The following TATDN2 variants were observed in gnomAD, a reference collection of about 807,000 sequenced individuals.
TATDN2 encodes the protein 3'-5' RNA nuclease TATDN2.
TATDN2 carries 44 observed loss-of-function variants against 60.3 expected under a neutral mutation model. The observed-to-expected ratio is 0.73, with a 90% confidence interval of 0.57 to 0.94. The LOEUF is 0.94. TATDN2 is among the 40% of genes least tolerant of loss of function. The pLI is 0.00. For synonymous variants in TATDN2, 399 were observed against 355.8 expected, an observed-to-expected ratio of 1.12 and a Z score of -1.37; for missense variants, 997 against 948.0, an observed-to-expected ratio of 1.05 and a Z score of -0.68.
chr3:10,256,415 A>T (rs1404756676), intron 2 of TATDN2, among the ~76,000 whole-genome samples: 1 of 151,256 alleles, frequency 6.6e-6, no homozygotes, highest in Non-Finnish European at 1.5e-5. Flanking sequence ...GGCTCAAATG[A>T]TCCTCCTGCC....
intron 2 of TATDN2, among the ~76,000 whole-genome samples, chr3:10,257,612 CAAAAA>C (rs919342302): frequency 1.8e-5 from 2 of 108,286 alleles, no homozygotes; most frequent in Non-Finnish European, 3.8e-5. Flanking sequence ...AAAAAAAAAA[CAAAAA>C]AAAAAAACAA....
chr3:10,261,854 C>T (rs936556317), intron 3 of TATDN2, among the ~76,000 whole-genome samples: 2 of 152,202 alleles, frequency 1.3e-5, no homozygotes, highest in African/African-American at 4.8e-5. Context: ...GTTCTCTATA[C>T]CTCCTTCAGA....
chr3:10,251,756 G>T (rs918464661), intron 2 of TATDN2, among the ~76,000 whole-genome samples: 1 of 151,888 alleles, frequency 6.6e-6, no homozygotes. Flanking sequence ...GTGCAGTGGC[G>T]CAATCATGTC....
rs749858317 is a variant in TATDN2 at position 10,270,377 on chromosome 3, G to GGCA, written c.1205_1207dup (p.Ser402dup). 37 of 1,614,054 alleles carry GGCA rather than the reference G, an allele frequency of 2.3e-5. No individual in the cohort carries two copies. Among genetic ancestry groups the GGCA allele is most frequent in the Non-Finnish European group, 3.0e-5 (35 of 1,180,040 alleles). ...CAAGCCTTCTAGCTACCCCTCCACA[G>GGCA]GCAGCAGCAGCAACGATGCAGCCCA... is the stretch of plus-strand genomic sequence containing the variant. On this transcript the variant is annotated inframe_insertion, in exon 4 of 8. Transcript: ENST00000448281.
At position 10,279,247 on chromosome 3, in the gene TATDN2, G is replaced by A; in HGVS notation, c.*65G>A. On this transcript the variant is annotated 3_prime_UTR_variant, in exon 8 of 8. Coordinates refer to ENST00000448281, the MANE Select transcript of TATDN2 (RefSeq NM_014760.4). ...GCGACCAGCAGCCTGACAGAACACA[G>A]GCTGGCTTGAAGTCTGTGTCTCAGG... is the stretch of plus-strand genomic sequence containing the variant. The A allele has an allele frequency of 1.8e-6, 1 of 564,898 alleles. No homozygotes were observed. The highest frequency in any genetic ancestry group is 4.0e-4 in the Middle Eastern group (1 of 2,500). 35.0% of individuals were successfully genotyped at this position (564,898 alleles called of 1,614,324 possible). A position where few individuals can be genotyped will look rare whatever the true frequency, so the allele number is the denominator to read the frequency against.
chr3:10,255,670 G>T (rs755467119), intron 2 of TATDN2, among the ~76,000 whole-genome samples: 1 of 152,082 alleles, frequency 6.6e-6, no homozygotes, highest in Non-Finnish European at 1.5e-5. Context: ...GGCTGGGTGC[G>T]GTGGCTCATG....
chr3:10,264,154 G>C (rs1038317568), intron 3 of TATDN2, among the ~76,000 whole-genome samples: 9 of 152,144 alleles, frequency 5.9e-5, no homozygotes, highest in African/African-American at 2.2e-4. Flanking sequence ...GGGAATCTGG[G>C]ATCTAACTCA....
rs1698673784 is a variant in TATDN2 at position 10,278,667 on chromosome 3, G to T, written c.2145+205G>T. 1.0e-6 allele frequency: 1 copy of T among 978,906 alleles called. No homozygotes were observed. Among genetic ancestry groups the T allele is most frequent in the Admixed American group, 2.0e-5 (1 of 50,514 alleles). 60.6% of individuals were successfully genotyped at this position (978,906 alleles called of 1,614,324 possible). ...AAGGGTAACCACTCTCTTCCAGGCA[G>T]TGCAAAGCCCTACCCTGTAGAGGGT... On this transcript the variant is annotated intron_variant, in intron 6 of 7. Coordinates refer to ENST00000448281, the MANE Select transcript of TATDN2 (RefSeq NM_014760.4). The surrounding 1 kb of genome is among the most constrained non-coding windows in gnomAD (Gnocchi z 4.7).
intron 3 of TATDN2, among the ~76,000 whole-genome samples, chr3:10,261,702 T>G (rs1401755685): frequency 6.6e-6 from 1 of 152,192 alleles, no homozygotes; most frequent in Non-Finnish European, 1.5e-5. Context: ...CACCCATCCT[T>G]TACTACTGCT....
At chr3:10,272,115 C>CTT (rs567383227) in intron 4 of TATDN2, among the ~76,000 whole-genome samples, 10 of 150,962 alleles carry the variant, frequency 6.6e-5, no homozygotes, top group Non-Finnish European at 1.5e-5. Flanking sequence ...AATTTCTTTT[C>CTT]TTTTTTTTTC....
At chr3:10,267,651 T>G (rs1698498170) in intron 3 of TATDN2, among the ~76,000 whole-genome samples, 1 of 152,260 alleles carries the variant, frequency 6.6e-6, no homozygotes, top group Non-Finnish European at 1.5e-5. Context: ...TTTTTGAATC[T>G]GTGTATTGTT....
rs747794585 is a variant in TATDN2 at position 10,270,998 on chromosome 3, G to A, written c.1816G>A (p.Val606Ile). 4 of 1,584,690 alleles carry A rather than the reference G, an allele frequency of 2.5e-6. No homozygotes were observed. The highest frequency in any genetic ancestry group is 3.6e-5 in the Admixed American group (2 of 54,930). ...LDYSYKCTTP[V>I]PEQHKVFERQ... ...TTACTCTTACAAGTGCACCACGCCT[G>A]TCCCAGAACAGCACAAGGTAACAAG... is the stretch of plus-strand genomic sequence containing the variant. Residue 606 changes from valine (V) to isoleucine (I), a missense_variant, in exon 4 of 8, where the codon GTC (valine) becomes ATC (isoleucine). Transcript: ENST00000448281.
At chr3:10,250,926 T>A (rs189773407) in intron 2 of TATDN2, among the ~76,000 whole-genome samples, 1 of 152,266 alleles carries the variant, frequency 6.6e-6, no homozygotes, top group East Asian at 1.9e-4. Flanking sequence ...GTAGATAGAG[T>A]GAAACCTGTT....
chr3:10,250,058 C>G (rs1698197966), intron 2 of TATDN2, among the ~76,000 whole-genome samples: 1 of 151,832 alleles, frequency 6.6e-6, no homozygotes, highest in African/African-American at 2.4e-5. Context: ...ATTGTGTGCC[C>G]TTGTACTTTG....
At chr3:10,277,156 A>G (rs1164098519) in intron 5 of TATDN2, among the ~76,000 whole-genome samples, 1 of 152,160 alleles carries the variant, frequency 6.6e-6, no homozygotes, top group Non-Finnish European at 1.5e-5. Flanking sequence ...ATCTTAGGGT[A>G]CTTGAAAGGA....
chr3:10,275,271 G>T (rs928770172), intron 4 of TATDN2, among the ~76,000 whole-genome samples: 1 of 152,022 alleles, frequency 6.6e-6, no homozygotes, highest in Non-Finnish European at 1.5e-5. Flanking sequence ...GAGCCACCAC[G>T]CCTGGTGAAT....
chr3:10,258,134 G>A (rs919671073), intron 2 of TATDN2, among the ~76,000 whole-genome samples: 9 of 151,704 alleles, frequency 5.9e-5, no homozygotes, highest in Admixed American at 2.0e-4. Flanking sequence ...ATTAGCCACC[G>A]CGCCCAGCTA....
Position 10,278,812 on chromosome 3 carries a change from A to T in TATDN2, c.2146-73A>T. The T allele has an allele frequency of 6.2e-7, 1 of 1,608,624 alleles. No homozygotes were observed. The highest frequency in any genetic ancestry group is 8.5e-7 in the Non-Finnish European group (1 of 1,177,792). On this transcript the variant is annotated intron_variant, in intron 6 of 7. Coordinates refer to ENST00000448281, the MANE Select transcript of TATDN2 (RefSeq NM_014760.4). The surrounding 1 kb of genome is among the most constrained non-coding windows in gnomAD (Gnocchi z 4.7). ...CAAAGAGGTCCTTGCTGGGGAAGGG[A>T]CAGGGAGGGAGTTCTAGATTATGAC...
chr3:10,272,889 A>AT (rs1432770980), intron 4 of TATDN2, among the ~76,000 whole-genome samples: 3 of 151,462 alleles, frequency 2.0e-5, no homozygotes, highest in African/African-American at 7.3e-5. Context: ...AAAAAAAAAA[A>AT]TTAGCTGGGT....
Sources: gnomAD v4.1 joint callset for allele counts (sites outside exome capture counted in the v4.1 genomes callset) on GRCh38, gnomAD v4.1.1 for gene constraint, Gnocchi (gnomAD v3.1) non-coding constraint, MANE v1.5 for transcripts, NCBI Gene and HGNC (gene_info 2026-07-23, HGNC 2026-07-21) for gene names.